The following MAN1A1 variants were observed in gnomAD, a reference collection of about 807,000 sequenced individuals.
MAN1A1 encodes the protein mannosidase alpha class 1A member 1, also known as mannosyl-oligosaccharide 1,2-alpha-mannosidase IA.
MAN1A1 carries 29 observed loss-of-function variants against 70.8 expected under a neutral mutation model. That is an observed-to-expected ratio of 0.41 (90% confidence interval 0.31 to 0.56). The LOEUF is 0.56. MAN1A1 is among the 20% of genes least tolerant of loss of function. The pLI, the probability that MAN1A1 is intolerant of heterozygous loss-of-function variation, is 0.29. For missense variants in MAN1A1, 747 were observed against 841.3 expected, an observed-to-expected ratio of 0.89 and a Z score of 1.39; for synonymous variants, 349 against 330.1, an observed-to-expected ratio of 1.06 and a Z score of -0.62.
At chr6:119,204,455 G>A (rs563307829) in intron 7 of MAN1A1, among the ~76,000 whole-genome samples, 1 of 152,306 alleles carries the variant, frequency 6.6e-6, no homozygotes, top group East Asian at 1.9e-4. Flanking sequence ...GGCTCATGCA[G>A]TGCATTTATT....
intron 9 of MAN1A1, among the ~76,000 whole-genome samples, chr6:119,190,962 G>C (rs1773424883): frequency 2.0e-5 from 3 of 152,126 alleles, no homozygotes; most frequent in Non-Finnish European, 4.4e-5. Flanking sequence ...TCAAGAGAGA[G>C]GGATTTGTTA....
chr6:119,181,485 A>G (rs1302360223), intron 11 of MAN1A1, among the ~76,000 whole-genome samples: 1 of 150,772 alleles, frequency 6.6e-6, no homozygotes, highest in Non-Finnish European at 1.5e-5. Context: ...ATGGAAGAAG[A>G]TGGGATGACT....
chr6:119,267,415 T>G (rs1775788175), intron 5 of MAN1A1, among the ~76,000 whole-genome samples: 1 of 152,100 alleles, frequency 6.6e-6, no homozygotes, highest in African/African-American at 2.4e-5. Context: ...TTAAGTATTA[T>G]TTACAGAGAG....
At chr6:119,226,314 T>A (rs1774512436) in intron 6 of MAN1A1, among the ~76,000 whole-genome samples, 1 of 152,206 alleles carries the variant, frequency 6.6e-6, no homozygotes. Context: ...CTTTCACGTT[T>A]ACACAAGGGT....
At chr6:119,219,623 T>C (rs887058819) in intron 6 of MAN1A1, among the ~76,000 whole-genome samples, 5 of 18,706 alleles carry the variant, frequency 2.7e-4, no homozygotes, top group Non-Finnish European at 5.0e-4. Context: ...TTTAGACATC[T>C]ACTCAAAAAA....
chr6:119,316,179 T>TC (rs1772847680), intron 2 of MAN1A1, among the ~76,000 whole-genome samples: 1 of 149,340 alleles, frequency 6.7e-6, no homozygotes, highest in Non-Finnish European at 1.5e-5. Flanking sequence ...TTGTGGGTTT[T>TC]TTTTTTTTTT....
chr6:119,212,129 T>C (rs1190022047), intron 6 of MAN1A1, among the ~76,000 whole-genome samples: 5 of 150,878 alleles, frequency 3.3e-5, no homozygotes, highest in Non-Finnish European at 5.9e-5. Context: ...TGTGAGCCAC[T>C]GTGCCCGGCC....
intron 2 of MAN1A1, among the ~76,000 whole-genome samples, chr6:119,341,773 C>T (rs1045788955): frequency 4.6e-5 from 7 of 152,148 alleles, no homozygotes; most frequent in African/African-American, 1.7e-4. Context: ...TTGAAATTCA[C>T]TTTACTCGAT....
chr6:119,349,149 G>A lies in MAN1A1; in HGVS notation c.-84C>T. On this transcript the variant is annotated 5_prime_UTR_variant, in exon 2 of 13. Transcript: ENST00000368468. ...CTGGGAGTCCGCGGCTGCGGGGCTG[G>A]GTCCTGCGTAGCCAGGCCGCCCGAC... The A allele has an allele frequency of 8.0e-7, 1 of 1,242,538 alleles. No individual in the cohort carries two copies. Among genetic ancestry groups the A allele is most frequent in the Non-Finnish European group, 1.0e-6 (1 of 995,142 alleles). The allele number at this position is 1,242,538 out of a possible 1,614,324, so 77.0% of individuals were successfully genotyped here.
intron 11 of MAN1A1, among the ~76,000 whole-genome samples, chr6:119,186,328 G>A (rs1562181913): frequency 1.3e-5 from 2 of 152,066 alleles, no homozygotes; most frequent in Non-Finnish European, 2.9e-5. Flanking sequence ...TTCAGTTTGC[G>A]TTCCCTTAAA....
At chr6:119,217,092 C>T (rs1006112871) in intron 6 of MAN1A1, among the ~76,000 whole-genome samples, 2 of 152,110 alleles carry the variant, frequency 1.3e-5, no homozygotes, top group African/African-American at 2.4e-5. Flanking sequence ...AATTGCCTTC[C>T]AAAGAGTATG....
Position 119,179,872 on chromosome 6 carries a change from G to A in MAN1A1, c.1909C>T (p.Leu637Phe). 1 of 1,612,570 alleles carries A rather than the reference G, an allele frequency of 6.2e-7. No homozygotes were observed. The highest frequency in any genetic ancestry group is 8.5e-7 in the Non-Finnish European group (1 of 1,178,676). ...TTATCTTTAGGGAGGATAGGGAGAAGATGTGCCTCGCTATTGAAGATCCAA... is the reference window on the plus strand; with the variant it reads ...TTATCTTTAGGGAGGATAGGGAGAAAATGTGCCTCGCTATTGAAGATCCAA... ...EHWIFNSEAH[L>F]LPILPKDKKE... The change falls in exon 13 of 13, where the codon CTT becomes TTT. Residue 637 changes from leucine to phenylalanine, a missense_variant. Transcript: ENST00000368468.
intron 10 of MAN1A1, among the ~76,000 whole-genome samples, chr6:119,188,971 C>T (rs1343103131): frequency 6.6e-6 from 1 of 151,984 alleles, no homozygotes; most frequent in Non-Finnish European, 1.5e-5. Flanking sequence ...CCCAGGGATA[C>T]GAAGGTCTGA....
intron 2 of MAN1A1, among the ~76,000 whole-genome samples, chr6:119,310,414 C>T (rs1442694874): frequency 6.6e-6 from 1 of 152,180 alleles, no homozygotes; most frequent in Non-Finnish European, 1.5e-5. Flanking sequence ...CCACTTATGG[C>T]CTCCTTCTAT....
At position 119,265,424 on chromosome 6, in the gene MAN1A1, C is replaced by T. The variant is rs780187421; in HGVS notation, c.898-17070G>A. ...TCATTAAAATTCTTAATAGGGAAAT[C>T]AACAGGATGGAAATATAAACTAGAG... is the stretch of plus-strand genomic sequence containing the variant. On this transcript the variant is annotated intron_variant, in intron 5 of 12. Transcript: ENST00000368468. 6.1e-4 allele frequency among the ~76,000 whole-genome samples: 93 copies of T among 152,138 alleles called. 1 individual carries two copies. The highest frequency in any genetic ancestry group is 2.1e-3 in the South Asian group (10 of 4,814).
At chr6:119,325,629 C>A (rs1024166014) in intron 2 of MAN1A1, among the ~76,000 whole-genome samples, 1 of 152,148 alleles carries the variant, frequency 6.6e-6, no homozygotes, top group African/African-American at 2.4e-5. Flanking sequence ...TGCACCCCAA[C>A]GTGACAGAAC....
intron 5 of MAN1A1, among the ~76,000 whole-genome samples, chr6:119,254,043 C>T (rs1775395793): frequency 6.6e-6 from 1 of 152,158 alleles, no homozygotes. Flanking sequence ...AATCCAGATT[C>T]TGAAAGAGAA....
chr6:119,215,032 C>T (rs1774160169), intron 6 of MAN1A1, among the ~76,000 whole-genome samples: 1 of 149,372 alleles, frequency 6.7e-6, no homozygotes, highest in South Asian at 2.1e-4. Context: ...GGGAACATCA[C>T]ACACTGGGGC....
intron 4 of MAN1A1, among the ~76,000 whole-genome samples, chr6:119,297,261 C>G (rs1470543744): frequency 2.6e-5 from 4 of 152,292 alleles, no homozygotes; most frequent in Non-Finnish European, 4.4e-5. Flanking sequence ...TCATCTGTAA[C>G]TATATAAACA....
Sources: allele counts gnomAD v4.1 joint callset (sites outside exome capture counted in the v4.1 genomes callset), GRCh38; gene constraint gnomAD v4.1.1; transcripts MANE v1.5; gene names NCBI Gene and HGNC (gene_info 2026-07-23, HGNC 2026-07-21).